The following ARL14EPL variants were observed in gnomAD, a reference collection of about 807,000 sequenced individuals.
ARL14EPL encodes ARL14 effector protein-like.
A neutral mutation model predicts 15.9 loss-of-function variants in ARL14EPL; 17 were observed. That is an observed-to-expected ratio of 1.07 (90% CI 0.73 to 1.60). The LOEUF (loss-of-function observed/expected upper bound fraction) is 1.60, where lower values mean the gene tolerates loss of function less well. ARL14EPL is among the 40% of genes most tolerant of loss of function. The probability of loss-of-function intolerance (pLI) is 0.00; values close to 1 mark genes in which losing one functional copy is unlikely to be tolerated. For synonymous variants in ARL14EPL, 78 were observed against 63.8 expected (o/e 1.22, Z -1.06); for missense variants, 214 against 185.9 (o/e 1.15, Z -0.88).
In ARL14EPL at chr5:116,035,183, G is replaced by GGTTT. The variant is rs1421289295; in HGVS notation, c.-10+2678_-10+2679insGTTT. 1.6e-3 allele frequency among the ~76,000 whole-genome samples: 242 copies of GGTTT among 152,256 alleles called. 1 individual carries two copies. Among genetic ancestry groups the GGTTT allele is most frequent in the African/African-American group, 4.4e-3 (181 of 41,552 alleles). ...TGCCTTAGAAGTTTTCTGGTTCTCT[G>GGTTT]ACCATGTCTCAAGCTGGTCATTTTC... On this transcript the variant is annotated intron_variant, in intron 1 of 3. Coordinates refer to ENST00000686077, the MANE Select transcript of ARL14EPL (RefSeq NM_001195581.2).
chr5:116,040,812 T>C (rs1315492101), intron 1 of ARL14EPL, among the ~76,000 whole-genome samples: 1 of 100,452 alleles, frequency 1.0e-5, no homozygotes, highest in African/African-American at 4.2e-5. Context: ...CTACTAAAAA[T>C]ACAAAAAAAA....
chr5:116,051,837 GTTTTTATTTTTA>G lies in ARL14EPL; in HGVS notation c.96+288_96+299del, dbSNP rs372991139. The G allele has an allele frequency of 2.4e-4, 253 of 1,064,480 alleles. No homozygotes were observed. In the African/African-American group the frequency reaches 3.4e-3, roughly 14 times the overall value. The allele number at this position is 1,064,480 out of a possible 1,614,324, so 65.9% of individuals were successfully genotyped here. On this transcript the variant is annotated intron_variant, in intron 2 of 3. Transcript: ENST00000686077. ...CTTTTTGTGGAGAATATATACAAACGTTTTTATTTTTATTTTTATTTTTTGATTTAATAAAGT... is the reference window on the plus strand; with the variant it reads ...CTTTTTGTGGAGAATATATACAAACGTTTTTATTTTTTGATTTAATAAAGT...
chr5:116,053,119 T>C (rs555286521), intron 2 of ARL14EPL, among the ~76,000 whole-genome samples: 2 of 152,228 alleles, frequency 1.3e-5, no homozygotes, highest in South Asian at 4.1e-4. Flanking sequence ...CCAAGGCAGA[T>C]GGTGGATCCT....
At chr5:116,051,418 G>T (rs1207551888) in intron 1 of ARL14EPL, 39 bp from the exon 2 acceptor site, 2 of 1,214,326 alleles carry the variant, frequency 1.6e-6, no homozygotes, top group Admixed American at 2.0e-5. Context: ...GGAGATAGAT[G>T]ATATTAATAT....
At position 116,054,007 on chromosome 5, in the gene ARL14EPL, T is replaced by C. The variant is rs1464100379; in HGVS notation, c.97-7T>C. 4.6e-6 allele frequency: 7 copies of C among 1,528,324 alleles called. No homozygotes were observed. Among genetic ancestry groups the C allele is most frequent in the Non-Finnish European group, 6.1e-6 (7 of 1,144,226 alleles). The allele number at this position is 1,528,324 out of a possible 1,614,324, so 94.7% of individuals were successfully genotyped here. ...TCTTACTATTAATACATTTATTTGTTTAATAGCAACAAATAGAGCGGCAGT... is the reference window on the plus strand; with the variant it reads ...TCTTACTATTAATACATTTATTTGTCTAATAGCAACAAATAGAGCGGCAGT... On this transcript the variant is annotated splice_polypyrimidine_tract_variant and splice_region_variant and intron_variant, in intron 2 of 3. Coordinates refer to ENST00000686077, the MANE Select transcript of ARL14EPL (RefSeq NM_001195581.2).
intron 1 of ARL14EPL, among the ~76,000 whole-genome samples, chr5:116,035,464 A>G (rs1749031552): frequency 6.6e-6 from 1 of 152,258 alleles, no homozygotes; most frequent in African/African-American, 2.4e-5. Context: ...ATAGTTGGTC[A>G]GGAAATCAGA....
At chr5:116,050,820 C>G (rs1749359620) in intron 1 of ARL14EPL, among the ~76,000 whole-genome samples, 1 of 94,646 alleles carries the variant, frequency 1.1e-5, no homozygotes, top group African/African-American at 4.1e-5. Flanking sequence ...CTCTCTTACA[C>G]ACACACATGC....
At chr5:116,051,913 T>G (rs1749389818) in intron 2 of ARL14EPL, 1 of 1,553,534 alleles carries the variant, frequency 6.4e-7, no homozygotes. Flanking sequence ...GACCTATTCA[T>G]GCATCTTCAC....
chr5:116,039,461 G>A (rs987322190), intron 1 of ARL14EPL, among the ~76,000 whole-genome samples: 8 of 152,068 alleles, frequency 5.3e-5, no homozygotes, highest in Non-Finnish European at 1.2e-4. Context: ...AAAACATTAA[G>A]AAAACACTTC....
intron 1 of ARL14EPL, among the ~76,000 whole-genome samples, chr5:116,044,001 A>G (rs891376282): frequency 6.6e-6 from 1 of 152,190 alleles, no homozygotes; most frequent in Non-Finnish European, 1.5e-5. Flanking sequence ...CAAGCTTTGC[A>G]TTTTATCAAT....
chr5:116,057,847 G>A (rs1032488296), intron 3 of ARL14EPL, among the ~76,000 whole-genome samples: 1 of 152,202 alleles, frequency 6.6e-6, no homozygotes, highest in Non-Finnish European at 1.5e-5. Context: ...TGCCATACTA[G>A]CTTAGGACAA....
intron 2 of ARL14EPL, 127 bp from the exon 3 acceptor site, chr5:116,053,887 G>A: frequency 2.7e-6 from 2 of 727,500 alleles, no homozygotes; most frequent in Non-Finnish European, 4.1e-6. Context: ...AATCGTTTAT[G>A]TCTTTGTGTA....
intron 1 of ARL14EPL, among the ~76,000 whole-genome samples, chr5:116,042,670 G>T (rs1749184598): frequency 6.6e-6 from 1 of 152,158 alleles, no homozygotes; most frequent in Non-Finnish European, 1.5e-5. Context: ...TAAGAAAGAT[G>T]CTAACAGCTT....
chr5:116,053,607 G>A (rs1383535743), intron 2 of ARL14EPL, among the ~76,000 whole-genome samples: 2 of 152,060 alleles, frequency 1.3e-5, no homozygotes, highest in Non-Finnish European at 2.9e-5. Context: ...TTCTCACTGT[G>A]GTTTGAGACA....
intron 1 of ARL14EPL, among the ~76,000 whole-genome samples, chr5:116,049,451 G>T (rs908983229): frequency 6.6e-6 from 1 of 152,148 alleles, no homozygotes; most frequent in Non-Finnish European, 1.5e-5. Flanking sequence ...AACTGATGGA[G>T]ACAAAGTGTA....
chr5:116,046,795 G>C (rs1411936411), intron 1 of ARL14EPL, among the ~76,000 whole-genome samples: 1 of 152,138 alleles, frequency 6.6e-6, no homozygotes, highest in Non-Finnish European at 1.5e-5. Context: ...GACTGCTATT[G>C]ACTTAACTGT....
At chr5:116,056,475 C>T (rs1749520449) in intron 3 of ARL14EPL, among the ~76,000 whole-genome samples, 1 of 152,180 alleles carries the variant, frequency 6.6e-6, no homozygotes, top group African/African-American at 2.4e-5. Flanking sequence ...ATATCCTTCG[C>T]CCACTTGTTG....
chr5:116,052,793 T>C (rs973882752), intron 2 of ARL14EPL, among the ~76,000 whole-genome samples: 1 of 152,244 alleles, frequency 6.6e-6, no homozygotes, highest in Non-Finnish European at 1.5e-5. Flanking sequence ...ATTCTGTTAC[T>C]AATTTGTTAC....
chr5:116,044,604 A>G (rs1373269091), intron 1 of ARL14EPL, among the ~76,000 whole-genome samples: 3 of 152,134 alleles, frequency 2.0e-5, no homozygotes, highest in African/African-American at 7.2e-5. Context: ...AAACTTTTGA[A>G]GTTGACATAT....
Sources: allele counts gnomAD v4.1 joint callset (sites outside exome capture counted in the v4.1 genomes callset), GRCh38; gene constraint gnomAD v4.1.1; transcripts MANE v1.5; gene names NCBI Gene and HGNC (gene_info 2026-07-23, HGNC 2026-07-21).